Variants in CCDC60 observed in about 807,000 individuals in gnomAD.
CCDC60 encodes the protein coiled-coil domain-containing protein 60.
A neutral mutation model predicts 63.5 loss-of-function variants in CCDC60; 54 were observed. That is an observed-to-expected ratio of 0.85 (90% CI 0.68 to 1.07). The LOEUF is 1.07. Among genes scored for constraint, CCDC60 ranks in the 50% least tolerant of loss-of-function variants. The pLI is 0.00. For missense variants in CCDC60, 651 were observed against 684.3 expected, an observed-to-expected ratio of 0.95 and a Z score of 0.54; for synonymous variants, 206 against 238.8, an observed-to-expected ratio of 0.86 and a Z score of 1.27.
At chr12:119,477,397 A>T (rs759162465) in intron 3 of CCDC60, among the ~76,000 whole-genome samples, 9 of 152,190 alleles carry the variant, frequency 5.9e-5, no homozygotes, top group East Asian at 1.9e-4. Flanking sequence ...TTTCCATTTC[A>T]GTCAAATTTA....
In CCDC60 at chr12:119,500,276, T is replaced by TGAAG. The variant is rs1306041984; in HGVS notation, c.648+108_648+109insGAAG. On this transcript the variant is annotated intron_variant, in intron 6 of 13. Coordinates refer to ENST00000327554, the MANE Select transcript of CCDC60 (RefSeq NM_178499.5). ...ATGGGAATTTTTTTTTCCTAGTTGG[T>TGAAG]TCTCGGAGTGAAGGGAAGTCAGAGC... is the stretch of plus-strand genomic sequence containing the variant. 7 of 746,614 alleles carry TGAAG rather than the reference T, an allele frequency of 9.4e-6. No homozygotes were observed. In the African/African-American group the frequency reaches 1.3e-4, roughly 14 times the overall value. 46.2% of individuals were successfully genotyped at this position (746,614 alleles called of 1,614,324 possible).
At chr12:119,492,050 C>T (rs77345354) in intron 5 of CCDC60, among the ~76,000 whole-genome samples, 367 of 152,270 alleles carry the variant, frequency 2.4e-3, no homozygotes, top group African/African-American at 8.2e-3. Context: ...ATCAGCGCTC[C>T]GAGGATGCCC....
intron 2 of CCDC60, among the ~76,000 whole-genome samples, chr12:119,444,952 G>T (rs889899867): frequency 3.3e-5 from 5 of 151,848 alleles, no homozygotes; most frequent in Non-Finnish European, 7.4e-5. Flanking sequence ...TAGGTGCCCA[G>T]ATATAGTACA....
chr12:119,384,832 A>G (rs112626274), intron 1 of CCDC60, among the ~76,000 whole-genome samples: 2 of 152,318 alleles, frequency 1.3e-5, no homozygotes, highest in African/African-American at 4.8e-5. Context: ...GCTCATTCCA[A>G]GTCGTGGATT....
Position 119,528,731 on chromosome 12 carries a change from A to G in CCDC60, c.1346A>G (p.Glu449Gly), listed in dbSNP as rs1952759322. 1.2e-6 allele frequency: 2 copies of G among 1,613,810 alleles called. No individual in the cohort carries two copies. Among genetic ancestry groups the G allele is most frequent in the African/African-American group, 1.3e-5 (1 of 75,040 alleles). Reference sequence around the variant, plus strand: ...TCTGTAGTAAAAGGAGATGCAGAAGAAATTGCAGACCACTGGTAAATATCC... The same window carrying G: ...TCTGTAGTAAAAGGAGATGCAGAAGGAATTGCAGACCACTGGTAAATATCC... ...HISVVKGDAE[E>G]IADHWYFDLL... Residue 449 changes from glutamate to glycine, a missense_variant, in exon 12 of 14, where the codon GAA (glutamate) becomes GGA (glycine). Physicochemically the swap from Glu to Gly is moderately conservative, Grantham distance 98 (BLOSUM62 -2). Transcript: ENST00000327554.
intron 5 of CCDC60, among the ~76,000 whole-genome samples, chr12:119,492,006 G>C (rs534647136): frequency 3.9e-5 from 6 of 152,302 alleles, no homozygotes. Context: ...GAGAGTAGCA[G>C]ATGTTCTACC....
chr12:119,497,656 G>C (rs1179583987), intron 5 of CCDC60, among the ~76,000 whole-genome samples: 1 of 151,998 alleles, frequency 6.6e-6, no homozygotes, highest in East Asian at 1.9e-4. Context: ...GGTTGCTTTT[G>C]AACTTCGAGA....
intron 7 of CCDC60, among the ~76,000 whole-genome samples, chr12:119,515,672 G>A (rs1952335026): frequency 6.6e-6 from 1 of 152,190 alleles, no homozygotes; most frequent in Admixed American, 6.5e-5. Flanking sequence ...GCCAAGGCAA[G>A]GAGGGGTGGT....
intron 1 of CCDC60, among the ~76,000 whole-genome samples, chr12:119,408,205 C>G (rs1200820853): frequency 2.0e-5 from 3 of 152,144 alleles, no homozygotes; most frequent in Non-Finnish European, 4.4e-5. Flanking sequence ...AGAGTTTATT[C>G]CTGTATAGCT....
chr12:119,536,786 C>T (rs1241775459), intron 13 of CCDC60, among the ~76,000 whole-genome samples: 1 of 152,224 alleles, frequency 6.6e-6, no homozygotes, highest in Non-Finnish European at 1.5e-5. Flanking sequence ...GAGAGATCCA[C>T]TGTTAGTCTG....
At chr12:119,374,018 C>G (rs956332023) in intron 1 of CCDC60, among the ~76,000 whole-genome samples, 1 of 151,680 alleles carries the variant, frequency 6.6e-6, no homozygotes, top group Non-Finnish European at 1.5e-5. Context: ...TGACAGAACA[C>G]CAGCTCTTGC....
chr12:119,397,002 C>T (rs1350322225), intron 1 of CCDC60, among the ~76,000 whole-genome samples: 5 of 152,154 alleles, frequency 3.3e-5, no homozygotes, highest in Non-Finnish European at 7.4e-5. Flanking sequence ...TTCGTGGTCT[C>T]GCTGGCTTCA....
intron 1 of CCDC60, among the ~76,000 whole-genome samples, chr12:119,349,251 G>A (rs1955629215): frequency 6.6e-6 from 1 of 151,904 alleles, no homozygotes; most frequent in East Asian, 1.9e-4. Flanking sequence ...GAAGCTTTGG[G>A]GGATAGAAAA....
intron 1 of CCDC60, among the ~76,000 whole-genome samples, chr12:119,337,184 C>G (rs1955480215): frequency 6.6e-6 from 1 of 152,220 alleles, no homozygotes; most frequent in Non-Finnish European, 1.5e-5. Context: ...CAAGATACAG[C>G]CTTTTTCCAT....
chr12:119,367,850 G>A (rs1418347294), intron 1 of CCDC60, among the ~76,000 whole-genome samples: 1 of 151,692 alleles, frequency 6.6e-6, no homozygotes, highest in African/African-American at 2.4e-5. Context: ...GTAAATTTGG[G>A]GTTTCCAGGG....
At chr12:119,507,589 TAC>T (rs60208424) in intron 7 of CCDC60, among the ~76,000 whole-genome samples, 6,273 of 41,096 alleles carry the variant, frequency 0.15, 663 homozygotes, top group African/African-American at 0.22. Flanking sequence ...CACATATATA[TAC>T]ATATATATAT....
intron 1 of CCDC60, among the ~76,000 whole-genome samples, chr12:119,398,618 G>A (rs1956330375): frequency 2.0e-5 from 3 of 152,250 alleles, no homozygotes; most frequent in Admixed American, 2.0e-4. Context: ...CTGGGCAGCA[G>A]AGCAAAACTC....
intron 2 of CCDC60, among the ~76,000 whole-genome samples, chr12:119,437,967 G>C (rs537229809): frequency 6.6e-6 from 1 of 152,320 alleles, no homozygotes; most frequent in South Asian, 2.1e-4. Context: ...GTCCCATAAG[G>C]ACAAACACTT....
In CCDC60 at chr12:119,420,027, C is replaced by T. The variant is rs7486646; in HGVS notation, c.91-8656C>T. On this transcript the variant is annotated intron_variant, in intron 1 of 13. Transcript: ENST00000327554. The surrounding 1 kb of genome is among the most constrained non-coding windows in gnomAD (Gnocchi z 4.1). ...GAGTAGCTGGGACTACAGGCACCCA[C>T]CACCACACCTGGGTAATTTTTTGTA... is the stretch of plus-strand genomic sequence containing the variant. Among the ~76,000 whole-genome samples, 93,183 of 151,336 alleles carry T rather than the reference C, an allele frequency of 0.62. 28,995 individuals carry two copies. The highest frequency in any genetic ancestry group is 0.71 in the South Asian group (3,367 of 4,764).
Sources: allele counts gnomAD v4.1 joint callset (sites outside exome capture counted in the v4.1 genomes callset), GRCh38; gene constraint gnomAD v4.1.1; non-coding constraint Gnocchi (gnomAD v3.1); transcripts MANE v1.5; gene names NCBI Gene and HGNC (gene_info 2026-07-23, HGNC 2026-07-21).